ME3: variants seen among roughly 807,000 people sequenced by gnomAD.
ME3 encodes NADP-dependent malic enzyme, mitochondrial.
ME3 carries 48 observed loss-of-function variants against 68.9 expected under a neutral mutation model. The ratio of observed to expected loss-of-function variants is 0.70; its 90% CI spans 0.55 to 0.89. ME3 has a LOEUF of 0.89. ME3 is among the 40% of genes least tolerant of loss of function. The pLI, the probability that ME3 is intolerant of heterozygous loss-of-function variation, is 0.00. For synonymous variants in ME3, 320 were observed against 318.8 expected (o/e 1.00, Z -0.04); for missense variants, 675 against 797.4 (o/e 0.85, Z 1.85).
At chr11:86,646,792 C>T (rs544687933) in intron 2 of ME3, among the ~76,000 whole-genome samples, 2 of 152,232 alleles carry the variant, frequency 1.3e-5, no homozygotes, top group East Asian at 3.9e-4. Context: ...ATGTTAAGGG[C>T]AGCCAGAGGG....
intron 4 of ME3, among the ~76,000 whole-genome samples, chr11:86,532,675 T>C (rs1196576769): frequency 6.6e-6 from 1 of 152,106 alleles, no homozygotes. Flanking sequence ...TTGAGATAAA[T>C]GAAACTGGAA....
intron 2 of ME3, among the ~76,000 whole-genome samples, chr11:86,656,695 A>G (rs1945901114): frequency 6.6e-6 from 1 of 152,104 alleles, no homozygotes; most frequent in Non-Finnish European, 1.5e-5. Flanking sequence ...ACATGTATAC[A>G]TATGTAACAA....
chr11:86,475,236 T>A (rs1950994506), intron 7 of ME3, among the ~76,000 whole-genome samples: 1 of 152,176 alleles, frequency 6.6e-6, no homozygotes, highest in Non-Finnish European at 1.5e-5. Flanking sequence ...ACTGTCCTCG[T>A]GATAGTGAGT....
At position 86,448,131 on chromosome 11, in the gene ME3, G is replaced by A. The variant is rs954329368; in HGVS notation, c.1237+19C>T. The A allele has an allele frequency of 6.4e-7, 1 of 1,573,790 alleles. No homozygotes were observed. The highest frequency in any genetic ancestry group is 8.7e-7 in the Non-Finnish European group (1 of 1,143,512). On this transcript the variant is annotated intron_variant, in intron 11 of 14. Transcript: ENST00000543262. ...GAGGGTTAGCTGGGCTGGGTAGTGG[G>A]TACCCTCCCTCCTCCTACCTATGAT...
intron 2 of ME3, among the ~76,000 whole-genome samples, chr11:86,628,602 T>C (rs1047136632): frequency 1.9e-4 from 29 of 152,316 alleles, no homozygotes; most frequent in Admixed American, 1.8e-3. Context: ...TCTGTCCTCA[T>C]AGACTATTTG....
chr11:86,508,336 A>G (rs560117978), intron 5 of ME3, among the ~76,000 whole-genome samples: 261 of 152,312 alleles, frequency 1.7e-3, no homozygotes, highest in African/African-American at 4.4e-3. Flanking sequence ...TCCTCAGGCT[A>G]AAAATCGTCA....
chr11:86,559,589 C>CT, intron 3 of ME3, 101 bp downstream of exon 3: 1 of 1,415,578 alleles, frequency 7.1e-7, no homozygotes, highest in South Asian at 1.6e-5. Flanking sequence ...GGCTCTCAGC[C>CT]TTTTTTAGCT....
At chr11:86,618,955 C>T (rs1017763864) in intron 2 of ME3, among the ~76,000 whole-genome samples, 4 of 152,094 alleles carry the variant, frequency 2.6e-5, no homozygotes, top group Admixed American at 2.0e-4. Context: ...GTGATCCACC[C>T]GCCTTGGCCT....
chr11:86,653,938 C>G (rs1945664212), intron 2 of ME3, among the ~76,000 whole-genome samples: 1 of 152,154 alleles, frequency 6.6e-6, no homozygotes, highest in Non-Finnish European at 1.5e-5. Context: ...CACAGAAATA[C>G]AAACTGCCAT....
chr11:86,485,550 T>C (rs952963192), intron 7 of ME3, among the ~76,000 whole-genome samples: 19 of 152,290 alleles, frequency 1.2e-4, no homozygotes, highest in African/African-American at 4.1e-4. Flanking sequence ...AACTTTCTGA[T>C]CACCACCTCC....
chr11:86,655,273 A>G (rs1158567619), intron 2 of ME3, among the ~76,000 whole-genome samples: 1 of 152,200 alleles, frequency 6.6e-6, no homozygotes, highest in Admixed American at 6.5e-5. Context: ...GAACCAAAAA[A>G]GAGCCTGCAT....
At chr11:86,478,422 G>T (rs1351678849) in intron 7 of ME3, among the ~76,000 whole-genome samples, 2 of 148,550 alleles carry the variant, frequency 1.3e-5, no homozygotes, top group Non-Finnish European at 3.0e-5. Flanking sequence ...ATTAGCAAAT[G>T]AATTCTACAG....
rs1275072374 is a variant in ME3, at chr11:86,652,918, A to G, written c.183+18844T>C. On this transcript the variant is annotated intron_variant, in intron 2 of 14. Transcript: ENST00000543262. ...AAGGAAGATCAACCAGGCAAATGGA[A>G]AAAAAAAAAAGGCAGGGGTTGCAGT... 7.2e-4 allele frequency among the ~76,000 whole-genome samples: 45 copies of G among 62,650 alleles called. 1 individual carries two copies. The highest frequency in any genetic ancestry group is 8.3e-3 in the Middle Eastern group (1 of 120). 41.1% of individuals were successfully genotyped at this position (62,650 alleles called of 152,430 possible). A position where few individuals can be genotyped will look rare whatever the true frequency, so the allele number is the denominator to read the frequency against.
intron 2 of ME3, 90 bp from the exon 3 acceptor site, chr11:86,559,913 G>A (rs145898756): frequency 1.4e-6 from 2 of 1,437,814 alleles, no homozygotes; most frequent in East Asian, 2.4e-5. Flanking sequence ...ATAGGTAAAA[G>A]TCAGTGTGAC....
chr11:86,614,171 T>C (rs555779640), intron 2 of ME3, among the ~76,000 whole-genome samples: 1 of 152,252 alleles, frequency 6.6e-6, no homozygotes, highest in East Asian at 1.9e-4. Context: ...TCCCAGGACC[T>C]CTAAGAAAGA....
chr11:86,609,147 A>G lies in ME3; in HGVS notation c.184-49324T>C, dbSNP rs533064150. Among the ~76,000 whole-genome samples the G allele has an allele frequency of 4.4e-4, 67 of 152,316 alleles. 1 individual carries two copies. Among genetic ancestry groups the G allele is most frequent in the African/African-American group, 1.4e-3 (58 of 41,560 alleles). ...GCAGCTGACATGTAGTGATGCCTGG[A>G]TTTGAACTCAGGTTTATTCTCTTAA... On this transcript the variant is annotated intron_variant, in intron 2 of 14. Coordinates refer to ENST00000543262, the Ensembl canonical transcript of ME3.
chr11:86,528,175 T>C (rs904329853), intron 4 of ME3, among the ~76,000 whole-genome samples: 23 of 151,742 alleles, frequency 1.5e-4, no homozygotes, highest in African/African-American at 5.3e-4. Context: ...ACCAAGCAAA[T>C]GGAAAACAAA....
At chr11:86,520,486 T>C (rs945647421) in intron 4 of ME3, among the ~76,000 whole-genome samples, 1 of 152,184 alleles carries the variant, frequency 6.6e-6, no homozygotes, top group Non-Finnish European at 1.5e-5. Flanking sequence ...CAATGGGGTA[T>C]AACAGAAACA....
intron 2 of ME3, among the ~76,000 whole-genome samples, chr11:86,634,845 TAAC>T (rs949158237): frequency 6.6e-6 from 1 of 152,234 alleles, no homozygotes; most frequent in African/African-American, 2.4e-5. Context: ...CTGTGATTGA[TAAC>T]AAACCATAGA....
Sources: allele counts gnomAD v4.1 joint callset (sites outside exome capture counted in the v4.1 genomes callset), GRCh38; gene constraint gnomAD v4.1.1; transcripts MANE v1.5; gene names NCBI Gene and HGNC (gene_info 2026-07-23, HGNC 2026-07-21).